HELLS: variants seen among roughly 807,000 people sequenced by gnomAD.
The protein encoded by HELLS is lymphoid-specific helicase.
HELLS carries 32 observed loss-of-function variants against 120.0 expected under a neutral mutation model. The observed-to-expected ratio is 0.27, with a 90% CI of 0.20 to 0.36. The LOEUF is 0.36. Among genes scored for constraint, HELLS ranks in the 10% least tolerant of loss-of-function variants. HELLS has a pLI of 1.00. For missense variants in HELLS, 650 were observed against 993.4 expected (o/e 0.65, Z 4.65); for synonymous variants, 341 against 323.4 (o/e 1.05, Z -0.58).
At chr10:94,575,724 A>G (rs1271580471) in intron 9 of HELLS, among the ~76,000 whole-genome samples, 1 of 134,212 alleles carries the variant, frequency 7.5e-6, no homozygotes, top group East Asian at 2.7e-4. Flanking sequence ...CCCAGCCTAT[A>G]TGTGTTTTAT....
intron 21 of HELLS, among the ~76,000 whole-genome samples, chr10:94,600,577 A>G (rs562237553): frequency 3.3e-5 from 5 of 152,276 alleles, no homozygotes; most frequent in African/African-American, 1.2e-4. Context: ...ACTGATAGGA[A>G]ATTCCTATTA....
In HELLS at chr10:94,582,961, AGCTTTGAGTCTT is replaced by A; in HGVS notation, c.1230_1241del (p.Ser410_Trp414delinsArg). ...GTTAACTTAAACATTTTTCTCTTCC[AGCTTTGAGTCTT>A]GGTTTGACATCACTAGTCTTTCTGA... On this transcript the variant is annotated splice_acceptor_variant and coding_sequence_variant, in exon 12 of 22. Transcript: ENST00000348459. LOFTEE classifies it high-confidence loss of function. 6.4e-7 allele frequency: 1 copy of A among 1,559,850 alleles called. No homozygotes were observed. The highest frequency in any genetic ancestry group is 2.3e-5 in the East Asian group (1 of 43,738).
intron 13 of HELLS, 54 bp downstream of exon 13, chr10:94,588,444 T>C (rs1845290326): frequency 7.5e-7 from 1 of 1,328,368 alleles, no homozygotes; most frequent in African/African-American, 1.5e-5. Context: ...AAAATTTCTC[T>C]TTTTTCCCTT....
At chr10:94,591,494 C>T (rs1845488080) in intron 15 of HELLS, among the ~76,000 whole-genome samples, 1 of 152,172 alleles carries the variant, frequency 6.6e-6, no homozygotes. Context: ...CTTTTCCACT[C>T]CTGGCAATAT....
chr10:94,558,074 G>C, intron 3 of HELLS, 65 bp from the exon 4 acceptor site: 1 of 1,516,886 alleles, frequency 6.6e-7, no homozygotes. Flanking sequence ...TTTGAGAATT[G>C]ATATGCGTTT....
exon 9 of HELLS, chr10:94,607,947 C>G: frequency 2.3e-6 from 1 of 426,658 alleles, no homozygotes; most frequent in South Asian, 1.6e-5. Flanking sequence ...TGACTGGTCC[C>G]GAACTGATCT....
intron 9 of HELLS, among the ~76,000 whole-genome samples, chr10:94,576,141 T>C (rs1044875157): frequency 1.3e-5 from 2 of 151,840 alleles, no homozygotes; most frequent in Admixed American, 6.6e-5. Flanking sequence ...TCAGACAGGA[T>C]GTTGCTCTGT....
At chr10:94,568,667 T>TG (rs1843963169) in intron 6 of HELLS, among the ~76,000 whole-genome samples, 1 of 152,214 alleles carries the variant, frequency 6.6e-6, no homozygotes, top group African/African-American at 2.4e-5. Flanking sequence ...CACAAGGAAT[T>TG]GCATTTTCTT....
At chr10:94,553,720 G>T (rs925295414) in intron 2 of HELLS, among the ~76,000 whole-genome samples, 5 of 150,856 alleles carry the variant, frequency 3.3e-5, no homozygotes, top group African/African-American at 1.2e-4. Flanking sequence ...GGCTAATTTT[G>T]TATTTTTAGT....
intron 6 of HELLS, among the ~76,000 whole-genome samples, chr10:94,567,402 G>A (rs1032424970): frequency 1.3e-5 from 2 of 152,046 alleles, no homozygotes; most frequent in East Asian, 1.9e-4. Flanking sequence ...AGGTTCAAGC[G>A]ATTCTCCTGC....
chr10:94,571,293 C>T, intron 6 of HELLS, 95 bp from the exon 7 acceptor site: 2 of 1,020,890 alleles, frequency 2.0e-6, no homozygotes, highest in Non-Finnish European at 2.8e-6. Context: ...ATCCTCATTT[C>T]CTGGCAAAAT....
Position 94,562,698 on chromosome 10 carries a change from A to C in HELLS, c.341A>C (p.Asn114Thr). Reference protein sequence around the residue: ...KESLKVKKGKNSIDASEEKPV... With the variant: ...KESLKVKKGKTSIDASEEKPV... The stretch of plus-strand genomic sequence containing the variant: ...TGAATCCTTGTTTTGTAGGGTAAAA[A>C]TTCAATTGATGCAAGTGAAGAGAAG... The change falls in exon 5 of 22, where the codon AAT becomes ACT. Residue 114 changes from asparagine to threonine, a missense_variant. Asn to Thr is a moderately conservative substitution (Grantham distance 65). Transcript: ENST00000348459. 6.3e-7 allele frequency: 1 copy of C among 1,586,630 alleles called. No homozygotes were observed. The highest frequency in any genetic ancestry group is 8.6e-7 in the Non-Finnish European group (1 of 1,160,590).
intron 6 of HELLS, among the ~76,000 whole-genome samples, chr10:94,566,981 G>A (rs1162988919): frequency 6.6e-6 from 1 of 152,084 alleles, no homozygotes; most frequent in Non-Finnish European, 1.5e-5. Flanking sequence ...TTCATTTACT[G>A]TTACTTCTTT....
rs1844952062 is a variant in HELLS, at chr10:94,583,018, G to A, written c.1285G>A (p.Ala429Thr). Residue 429 changes from alanine (A) to threonine (T), a missense_variant, in exon 12 of 22, where the codon GCT becomes ACT. By Grantham distance (58) the Ala-to-Thr change is moderately conservative. Around this residue, in one of 9 missense-constraint regions of HELLS, gnomAD observed 48 missense variants for 127.0 expected, o/e 0.38. Coordinates refer to ENST00000348459, the MANE Select transcript of HELLS (RefSeq NM_018063.5). ...TTCTGAAACTGCTGAAGATATTATT[G>A]CTAAAGAAAGAGAACAGAATGTATT... ...SLSETAEDII[A>T]KEREQNVLHM... is the part of the protein sequence containing the mutation. The A allele has an allele frequency of 1.2e-6, 2 of 1,606,318 alleles. No homozygotes were observed. Among genetic ancestry groups the A allele is most frequent in the Non-Finnish European group, 1.7e-6 (2 of 1,176,176 alleles).
At chr10:94,571,312 A>C in intron 6 of HELLS, 76 bp from the exon 7 acceptor site, 1 of 1,203,744 alleles carries the variant, frequency 8.3e-7, no homozygotes, top group Non-Finnish European at 1.2e-6. Flanking sequence ...ATGAGCACAG[A>C]ATAAATGCTT....
intron 10 of HELLS, among the ~76,000 whole-genome samples, chr10:94,579,018 T>A (rs1844669495): frequency 6.6e-6 from 1 of 152,110 alleles, no homozygotes; most frequent in Non-Finnish European, 1.5e-5. Context: ...GCTTACCTCC[T>A]GCTGTGTGGC....
At chr10:94,566,334 G>A (rs1200957101) in intron 6 of HELLS, among the ~76,000 whole-genome samples, 1 of 152,184 alleles carries the variant, frequency 6.6e-6, no homozygotes, top group African/African-American at 2.4e-5. Flanking sequence ...TAGGGAAAGA[G>A]TAAAGTACAG....
At chr10:94,575,732 T>C (rs1466300386) in intron 9 of HELLS, among the ~76,000 whole-genome samples, 1 of 143,582 alleles carries the variant, frequency 7.0e-6, no homozygotes, top group East Asian at 2.4e-4. Flanking sequence ...ATATGTGTTT[T>C]ATGTATTTGT....
At position 94,554,171 on chromosome 10, in the gene HELLS, A is replaced by C. The variant is rs759293147; in HGVS notation, c.199A>C (p.Arg67=). The C allele has an allele frequency of 1.3e-6, 2 of 1,580,264 alleles. No homozygotes were observed. Residue 67 remains arginine, a synonymous_variant, in exon 3 of 22, where the codon AGA becomes CGA. Coordinates refer to ENST00000348459, the MANE Select transcript of HELLS (RefSeq NM_018063.5). ...DRESTEIRYR[R]LQHLLEKSNI... ...AGAGTCGACAGAAATTCGGTACCGT[A>C]GACTTCAACATTTGCTTGAAAAAAG...
Sources: allele counts gnomAD v4.1 joint callset (sites outside exome capture counted in the v4.1 genomes callset), GRCh38; gene constraint gnomAD v4.1.1; regional missense constraint gnomAD v4.1.1; transcripts MANE v1.5; gene names NCBI Gene and HGNC (gene_info 2026-07-23, HGNC 2026-07-21).